Variants in MAPK10 observed in about 807,000 individuals in gnomAD.
MAPK10 encodes the protein mitogen-activated protein kinase 10.
Under a neutral mutation model 59.3 loss-of-function variants are expected in MAPK10, and 25 were observed. The observed-to-expected ratio is 0.42, with a 90% confidence interval of 0.31 to 0.59. MAPK10 has a LOEUF of 0.59. Among genes scored for constraint, MAPK10 ranks in the 20% least tolerant of loss-of-function variants. MAPK10 has a pLI of 0.15. For missense variants in MAPK10, 351 were observed against 568.9 expected (o/e 0.62, Z 3.90); for synonymous variants, 190 against 200.5 (o/e 0.95, Z 0.44).
intron 9 of MAPK10, among the ~76,000 whole-genome samples, chr4:86,075,597 A>T (rs896915332): frequency 1.3e-5 from 2 of 151,874 alleles, no homozygotes; most frequent in African/African-American, 4.8e-5. Flanking sequence ...TCTGTTTGTT[A>T]GTTTTCCTTC....
chr4:86,103,507 C>T (rs1158715333), intron 5 of MAPK10, among the ~76,000 whole-genome samples: 1 of 151,996 alleles, frequency 6.6e-6, no homozygotes, highest in Non-Finnish European at 1.5e-5. Flanking sequence ...ATAATTGTTA[C>T]ACTGCTTTCA....
chr4:86,243,225 A>T (rs1188195921), intron 2 of MAPK10, among the ~76,000 whole-genome samples: 1 of 152,156 alleles, frequency 6.6e-6, no homozygotes, highest in Non-Finnish European at 1.5e-5. Context: ...TGCTTCTAGT[A>T]AGCCATCTTG....
At chr4:86,480,495 T>TG (rs1338077075) in intron 1 of MAPK10, among the ~76,000 whole-genome samples, 1 of 152,190 alleles carries the variant, frequency 6.6e-6, no homozygotes, top group Non-Finnish European at 1.5e-5. Flanking sequence ...GCCTGTTTGG[T>TG]GGTCTCTTCA....
intron 13 of MAPK10, among the ~76,000 whole-genome samples, chr4:86,023,089 C>G (rs1392774110): frequency 6.6e-6 from 1 of 152,210 alleles, no homozygotes; most frequent in Admixed American, 6.5e-5. Flanking sequence ...ATACTTAAGT[C>G]TATGATTCAT....
At chr4:86,333,325 G>A (rs2096200288) in intron 2 of MAPK10, among the ~76,000 whole-genome samples, 1 of 152,024 alleles carries the variant, frequency 6.6e-6, no homozygotes, top group Non-Finnish European at 1.5e-5. Context: ...GCTCTGCCCC[G>A]AAATCAAATC....
intron 1 of MAPK10, among the ~76,000 whole-genome samples, chr4:86,498,127 T>A (rs994741684): frequency 6.6e-6 from 1 of 152,240 alleles, no homozygotes; most frequent in African/African-American, 2.4e-5. Flanking sequence ...GTCAGTGGCC[T>A]TATGCCACAG....
At chr4:86,536,939 G>C (rs1157731827) in intron 1 of MAPK10, among the ~76,000 whole-genome samples, 9 of 152,178 alleles carry the variant, frequency 5.9e-5, no homozygotes, top group Non-Finnish European at 1.0e-4. Context: ...CAGCAGGATA[G>C]GGAAAGCCAT....
At chr4:86,075,057 A>G (rs930642363) in intron 9 of MAPK10, among the ~76,000 whole-genome samples, 1 of 149,162 alleles carries the variant, frequency 6.7e-6, no homozygotes, top group Non-Finnish European at 1.5e-5. Context: ...TGGTCTTTTC[A>G]TATAGTCCCA....
intron 2 of MAPK10, among the ~76,000 whole-genome samples, chr4:86,332,990 C>A (rs1212949952): frequency 6.6e-6 from 1 of 152,096 alleles, no homozygotes; most frequent in African/African-American, 2.4e-5. Flanking sequence ...TTTTTAGAGA[C>A]AGGATCTTCA....
chr4:86,177,714 A>C (rs1057201481), intron 3 of MAPK10, among the ~76,000 whole-genome samples: 1 of 152,072 alleles, frequency 6.6e-6, no homozygotes, highest in South Asian at 2.1e-4. Flanking sequence ...TTCCAGGTTT[A>C]AAAAGGGCTC....
intron 3 of MAPK10, among the ~76,000 whole-genome samples, chr4:86,175,048 A>C (rs2075362673): frequency 6.6e-6 from 1 of 152,164 alleles, no homozygotes; most frequent in Admixed American, 6.5e-5. Context: ...ATAAAGAAAA[A>C]AGACATACGA....
At chr4:86,359,284 C>CTGTG (rs1396195347) in intron 1 of MAPK10, among the ~76,000 whole-genome samples, 8 of 132,880 alleles carry the variant, frequency 6.0e-5, no homozygotes, top group East Asian at 2.2e-4. Context: ...CTCTCTCTCT[C>CTGTG]TCTCTGTGTG....
At chr4:86,448,423 T>C (rs1024354784) in intron 1 of MAPK10, among the ~76,000 whole-genome samples, 12 of 151,980 alleles carry the variant, frequency 7.9e-5, no homozygotes, top group African/African-American at 2.9e-4. Flanking sequence ...ATCTTAAATT[T>C]ATGGATTAAC....
chr4:86,403,916 T>G (rs1259625565), intron 1 of MAPK10, among the ~76,000 whole-genome samples: 5 of 152,166 alleles, frequency 3.3e-5, no homozygotes, highest in Non-Finnish European at 5.9e-5. Context: ...TTTGCCTAAC[T>G]TTTTAATATG....
intron 1 of MAPK10, among the ~76,000 whole-genome samples, chr4:86,434,289 G>A (rs1382216552): frequency 6.6e-6 from 1 of 152,050 alleles, no homozygotes; most frequent in Non-Finnish European, 1.5e-5. Context: ...AAGTAAAAAT[G>A]GACAAATGGG....
chr4:86,568,918 G>GCAA (rs145567106), intron 1 of MAPK10, among the ~76,000 whole-genome samples: 66 of 151,850 alleles, frequency 4.3e-4, no homozygotes, highest in Admixed American at 3.6e-3. Context: ...CAAAAAAAAT[G>GCAA]CAACAACAAC....
intron 2 of MAPK10, among the ~76,000 whole-genome samples, chr4:86,269,847 C>G (rs960647722): frequency 2.6e-5 from 4 of 152,024 alleles, no homozygotes; most frequent in East Asian, 3.9e-4. Flanking sequence ...ATTATAATAG[C>G]AAGGTTCCTG....
intron 4 of MAPK10, 113 bp downstream of exon 4, chr4:86,159,185 T>C: frequency 3.8e-6 from 3 of 789,982 alleles, no homozygotes; most frequent in Non-Finnish European, 5.7e-6. Context: ...GGATTATTTT[T>C]CCCTCCCAAA....
chr4:86,271,286 T>C (rs994868842), intron 2 of MAPK10, among the ~76,000 whole-genome samples: 43 of 152,056 alleles, frequency 2.8e-4, no homozygotes, highest in African/African-American at 9.9e-4. Flanking sequence ...TGGTCCCTTT[T>C]TGAGTGCATA....
Sources: allele counts gnomAD v4.1 joint callset (sites outside exome capture counted in the v4.1 genomes callset), GRCh38; gene constraint gnomAD v4.1.1; transcripts MANE v1.5; gene names NCBI Gene and HGNC (gene_info 2026-07-23, HGNC 2026-07-21).